The following GABRB3 variants were observed in gnomAD, a reference collection of about 807,000 sequenced individuals.
GABRB3 encodes gamma-aminobutyric acid receptor subunit beta-3.
GABRB3 carries 14 observed loss-of-function variants against 52.1 expected under a neutral mutation model. The ratio of observed to expected loss-of-function variants is 0.27; its 90% CI spans 0.18 to 0.42. GABRB3 has a LOEUF of 0.42. Ranked by LOEUF, GABRB3 falls within the 10% of genes least tolerant of loss-of-function variation. The pLI, the probability that GABRB3 is intolerant of heterozygous loss-of-function variation, is 1.00. For synonymous variants in GABRB3, 260 were observed against 232.3 expected (o/e 1.12, Z -1.08); for missense variants, 307 against 609.1 (o/e 0.50, Z 5.22).
intron 3 of GABRB3, among the ~76,000 whole-genome samples, chr15:26,640,771 T>C (rs747205221): frequency 1.9e-4 from 29 of 152,350 alleles, no homozygotes; most frequent in Middle Eastern, 6.8e-3. Context: ...ACCGCGGAGA[T>C]GATTACACAG....
intron 3 of GABRB3, among the ~76,000 whole-genome samples, chr15:26,670,204 G>A (rs940525758): frequency 2.6e-5 from 4 of 152,224 alleles, no homozygotes; most frequent in African/African-American, 9.6e-5. Context: ...AGCGGGGCGG[G>A]GCGGCGAGCG....
At chr15:26,746,500 ATTC>A (rs1331589990) in intron 3 of GABRB3, among the ~76,000 whole-genome samples, 5 of 150,846 alleles carry the variant, frequency 3.3e-5, no homozygotes, top group African/African-American at 1.2e-4. Context: ...AAATTTAAGA[ATTC>A]TTCTTCTAGC....
chr15:26,750,212 G>A (rs1174949991), intron 3 of GABRB3: 2 of 152,156 alleles, frequency 1.3e-5, no homozygotes, highest in Admixed American at 1.3e-4. Context: ...AGCAACTCTA[G>A]GAGAGGTTCA....
chr15:26,772,327 C>T, intron 3 of GABRB3, 75 bp downstream of exon 3: 1 of 1,344,470 alleles, frequency 7.4e-7, no homozygotes, highest in Non-Finnish European at 1.0e-6. Context: ...GCCTCCGGCC[C>T]AGCACTGTGG....
chr15:26,677,428 G>A (rs1044884633), intron 3 of GABRB3, among the ~76,000 whole-genome samples: 1 of 152,096 alleles, frequency 6.6e-6, no homozygotes, highest in Non-Finnish European at 1.5e-5. Context: ...CTAAAAGCTG[G>A]TTTTGGGGGA....
intron 3 of GABRB3, chr15:26,772,190 G>A (rs1387828363): frequency 4.2e-6 from 2 of 475,988 alleles, no homozygotes; most frequent in Non-Finnish European, 7.3e-6. Flanking sequence ...GTGCGCCCTC[G>A]CGGCTCCGAC....
chr15:26,652,143 C>A (rs189363024), intron 3 of GABRB3, among the ~76,000 whole-genome samples: 1 of 152,334 alleles, frequency 6.6e-6, no homozygotes, highest in African/African-American at 2.4e-5. Context: ...CCATGGACTT[C>A]AAGTCTTTAG....
chr15:26,568,560 C>T (rs1283671890), intron 6 of GABRB3, among the ~76,000 whole-genome samples: 4 of 149,074 alleles, frequency 2.7e-5, no homozygotes, highest in East Asian at 2.0e-4. Context: ...GGCAGTGGCA[C>T]GATCTTGGCT....
intron 3 of GABRB3, among the ~76,000 whole-genome samples, chr15:26,635,609 C>T (rs1382489169): frequency 6.6e-6 from 1 of 152,118 alleles, no homozygotes; most frequent in Non-Finnish European, 1.5e-5. Context: ...CAGAACCGTA[C>T]CAGTCAACCT....
chr15:26,744,193 T>C (rs1890278329), intron 3 of GABRB3, among the ~76,000 whole-genome samples: 1 of 152,174 alleles, frequency 6.6e-6, no homozygotes, highest in South Asian at 2.1e-4. Flanking sequence ...CAATTGGGCA[T>C]GGTTCAGGAC....
rs140794206 is a variant in GABRB3, at chr15:26,582,535, G to A, written c.544+797C>T. Reference sequence around the variant, plus strand: ...AGCTCTCAGAAAACACGACAGTGATGTAGGGTGGAAGTGAGGGGCACCATG... The same window carrying A: ...AGCTCTCAGAAAACACGACAGTGATATAGGGTGGAAGTGAGGGGCACCATG... On this transcript the variant is annotated intron_variant, in intron 5 of 8. Transcript: ENST00000311550. 6.1e-3 allele frequency among the ~76,000 whole-genome samples: 932 copies of A among 152,274 alleles called. 5 individuals carry two copies. The highest frequency in any genetic ancestry group is 0.018 in the African/African-American group (758 of 41,558).
chr15:26,760,118 T>C (rs892070554), intron 3 of GABRB3, among the ~76,000 whole-genome samples: 20 of 152,344 alleles, frequency 1.3e-4, no homozygotes, highest in Middle Eastern at 6.8e-3. Context: ...ACACCCACCA[T>C]GCTTTGACAA....
In GABRB3 at chr15:26,668,370, A is replaced by C. The variant is rs550332827; in HGVS notation, c.241-46836T>G. Reference sequence around the variant, plus strand: ...TGATACTATGATTGGCAGAAAGCAAATATTCTATGACTATCATTTGTATAA... The same window carrying C: ...TGATACTATGATTGGCAGAAAGCAACTATTCTATGACTATCATTTGTATAA... On this transcript the variant is annotated intron_variant, in intron 3 of 8. Transcript: ENST00000311550. Among the ~76,000 whole-genome samples, 4 of 152,354 alleles carry C rather than the reference A, an allele frequency of 2.6e-5. No homozygotes were observed. The South Asian group carries it at 8.3e-4, about 32-fold the overall frequency.
rs150673373 is a variant in GABRB3, at chr15:26,695,042, T to G, written c.241-73508A>C. ...AGAGAAAAAAGACATTGACAGAATA[T>G]CCAAGAACCATGGGGCAATTATAAA... On this transcript the variant is annotated intron_variant, in intron 3 of 8. Transcript: ENST00000311550. Among the ~76,000 whole-genome samples the G allele has an allele frequency of 6.9e-3, 1,057 of 152,204 alleles. 8 individuals carry two copies. The highest frequency in any genetic ancestry group is 0.011 in the Non-Finnish European group (754 of 67,998).
intron 3 of GABRB3, among the ~76,000 whole-genome samples, chr15:26,759,851 T>C (rs1890765119): frequency 6.6e-6 from 1 of 152,244 alleles, no homozygotes; most frequent in Non-Finnish European, 1.5e-5. Context: ...GGTACTTCTC[T>C]ACTGGATGGT....
At chr15:26,735,051 A>G (rs1890030851) in intron 3 of GABRB3, among the ~76,000 whole-genome samples, 1 of 152,228 alleles carries the variant, frequency 6.6e-6, no homozygotes, top group African/African-American at 2.4e-5. Flanking sequence ...CAACAACAAA[A>G]AACAACCCAT....
chr15:26,685,718 T>C (rs1888380023), intron 3 of GABRB3, among the ~76,000 whole-genome samples: 1 of 151,944 alleles, frequency 6.6e-6, no homozygotes, highest in Non-Finnish European at 1.5e-5. Flanking sequence ...GCCTCTAACT[T>C]GTCAAAATGA....
At chr15:26,649,728 A>G (rs529367300) in intron 3 of GABRB3, among the ~76,000 whole-genome samples, 98 of 142,274 alleles carry the variant, frequency 6.9e-4, no homozygotes, top group African/African-American at 2.3e-3. Context: ...GAGAGAGAAG[A>G]TAAGTCGATA....
intron 4 of GABRB3, among the ~76,000 whole-genome samples, chr15:26,603,208 C>T (rs545894873): frequency 2.0e-5 from 3 of 151,904 alleles, no homozygotes; most frequent in African/African-American, 7.2e-5. Context: ...GATTGAACCA[C>T]GAAGAAATCC....
Sources: allele counts gnomAD v4.1 joint callset (sites outside exome capture counted in the v4.1 genomes callset), GRCh38; gene constraint gnomAD v4.1.1; transcripts MANE v1.5; gene names NCBI Gene and HGNC (gene_info 2026-07-23, HGNC 2026-07-21).